The following MBD4 variants were observed in gnomAD, a reference collection of about 807,000 sequenced individuals.
The protein encoded by MBD4 is methyl-CpG binding domain 4, DNA glycosylase, also known as methyl-CpG-binding domain protein 4.
Under a neutral mutation model 60.2 loss-of-function variants are expected in MBD4, and 53 were observed. That is an observed-to-expected ratio of 0.88 (90% confidence interval 0.71 to 1.11). The LOEUF is 1.11. Among genes scored for constraint, MBD4 ranks in the 50% least tolerant of loss-of-function variants. The probability of loss-of-function intolerance (pLI) is 0.00; values close to 1 mark genes in which losing one functional copy is unlikely to be tolerated. For missense variants in MBD4, 619 were observed against 674.0 expected (o/e 0.92, Z 0.90); for synonymous variants, 231 against 229.8 (o/e 1.01, Z -0.05).
In MBD4 at chr3:129,433,265, CTG is replaced by C; in HGVS notation, c.1394-20_1394-19del. 6.2e-7 allele frequency: 1 copy of C among 1,613,724 alleles called. No individual in the cohort carries two copies. Among genetic ancestry groups the C allele is most frequent in the Non-Finnish European group, 8.5e-7 (1 of 1,179,816 alleles). On this transcript the variant is annotated intron_variant, in intron 5 of 7. Transcript: ENST00000429544. ...CATTTTGCCTGGGAAGTAAAAGTAA[CTG>C]AATGATTACAAGACTCCAGGTGGGC...
chr3:129,435,683 A>G (rs944237200), intron 3 of MBD4, among the ~76,000 whole-genome samples: 3 of 152,206 alleles, frequency 2.0e-5, no homozygotes, highest in African/African-American at 7.2e-5. Flanking sequence ...CTGTTTCCCC[A>G]CAGGAGTTTA....
In MBD4 at chr3:129,437,806, AC is replaced by A. The variant is rs774306571; in HGVS notation, c.248del (p.Arg83LeufsTer12). ...QFGATAGTEC[R>X]KSVPCGWERV... The stretch of plus-strand genomic sequence containing the variant: ...TTTCCCATCCACATGGGACAGACTT[AC>A]GGCATTCTGTTCCTGCAGTAGCACC... On this transcript the variant is annotated frameshift_variant, in exon 2 of 8. Coordinates refer to ENST00000429544, the MANE Select transcript of MBD4 (RefSeq NM_001276270.2). LOFTEE classifies it high-confidence loss of function. 4 of 1,613,964 alleles carry A rather than the reference AC, an allele frequency of 2.5e-6. No individual in the cohort carries two copies. The African/African-American group carries it at 5.3e-5, about 22-fold the overall frequency.
At chr3:129,437,697 T>C (rs764170421) in intron 2 of MBD4, 23 bp downstream of exon 2, 3 of 1,539,360 alleles carry the variant, frequency 1.9e-6, no homozygotes, top group Non-Finnish European at 1.8e-6. Context: ...GGCTGTACTA[T>C]CTTTACCATC....
chr3:129,439,909 T>A lies in MBD4; in HGVS notation c.-76A>T. On this transcript the variant is annotated 5_prime_UTR_variant, in exon 1 of 8. Coordinates refer to ENST00000429544, the MANE Select transcript of MBD4 (RefSeq NM_001276270.2). ...GTGGGGCGGAGTAAGATGTGAAACC[T>A]CTTCAGCTCACGGCACCGGGCTGCA... 1.9e-6 allele frequency: 2 copies of A among 1,046,460 alleles called. No homozygotes were observed. Among genetic ancestry groups the A allele is most frequent in the African/African-American group, 3.1e-5 (2 of 64,326 alleles). The allele number at this position is 1,046,460 out of a possible 1,614,324, so 64.8% of individuals were successfully genotyped here.
chr3:129,432,765 A>G (rs1339990856), intron 6 of MBD4, among the ~76,000 whole-genome samples, 159 bp from the exon 7 acceptor site: 1 of 152,230 alleles, frequency 6.6e-6, no homozygotes, highest in Non-Finnish European at 1.5e-5. Context: ...GAATTCCTGC[A>G]GCACCCATAT....
intron 2 of MBD4, among the ~76,000 whole-genome samples, 195 bp downstream of exon 2, chr3:129,437,525 A>G (rs529685978): frequency 6.6e-6 from 1 of 152,376 alleles, no homozygotes; most frequent in East Asian, 1.9e-4. Flanking sequence ...CCCGTTAACC[A>G]TTCACAGAAG....
intron 5 of MBD4, 45 bp from the exon 6 acceptor site, chr3:129,433,292 CTGA>C (rs1410292016): frequency 2.5e-6 from 4 of 1,602,932 alleles, no homozygotes; most frequent in East Asian, 2.2e-5. Context: ...TCCAGGTGGG[CTGA>C]TTTCATGTTC....
chr3:129,434,889 A>G (rs1438892852), intron 3 of MBD4, among the ~76,000 whole-genome samples: 1 of 152,222 alleles, frequency 6.6e-6, no homozygotes, highest in Non-Finnish European at 1.5e-5. Flanking sequence ...ACCTCTATCT[A>G]TTGGGAACCA....
At chr3:129,434,896 A>G (rs988322497) in intron 3 of MBD4, among the ~76,000 whole-genome samples, 1 of 152,240 alleles carries the variant, frequency 6.6e-6, no homozygotes, top group Non-Finnish European at 1.5e-5. Context: ...TCTATTGGGA[A>G]CCAGTGTTAT....
At chr3:129,437,419 C>A in intron 2 of MBD4, 111 bp from the exon 3 acceptor site, 1 of 870,262 alleles carries the variant, frequency 1.1e-6, no homozygotes, top group South Asian at 1.5e-5. Flanking sequence ...CCATAGGTAT[C>A]TGTCATTTAA....
rs1172134694 is a variant in MBD4 at position 129,436,452 on chromosome 3, T to C, written c.1183+9A>G. ...TGAAAGCACTGGATACCTTGAAATATTTTCTCACCAGTGAAGTCTTTCCTG... is the reference window on the plus strand; with the variant it reads ...TGAAAGCACTGGATACCTTGAAATACTTTCTCACCAGTGAAGTCTTTCCTG... On this transcript the variant is annotated intron_variant, in intron 3 of 7. Coordinates refer to ENST00000429544, the MANE Select transcript of MBD4 (RefSeq NM_001276270.2). 8 of 1,613,752 alleles carry C rather than the reference T, an allele frequency of 5.0e-6. No individual in the cohort carries two copies. Among genetic ancestry groups the C allele is most frequent in the African/African-American group, 1.3e-5 (1 of 74,940 alleles).
intron 4 of MBD4, 33 bp from the exon 5 acceptor site, chr3:129,434,017 C>G: frequency 6.2e-7 from 1 of 1,613,996 alleles, no homozygotes; most frequent in South Asian, 1.1e-5. Context: ...AATTGAAAAC[C>G]CAAAATGGAA....
chr3:129,438,789 C>T (rs2107762604), intron 1 of MBD4, among the ~76,000 whole-genome samples: 1 of 151,518 alleles, frequency 6.6e-6, no homozygotes, highest in East Asian at 1.9e-4. Context: ...AAACAAGCAA[C>T]CGGGCGTGGT....
intron 6 of MBD4, 124 bp from the exon 7 acceptor site, chr3:129,432,730 C>T (rs2072374603): frequency 2.2e-6 from 2 of 919,728 alleles, no homozygotes; most frequent in African/African-American, 3.3e-5. Context: ...TCCCAGCAAC[C>T]CCAGTTGTGA....
chr3:129,436,839 T>G lies in MBD4; in HGVS notation c.805A>C (p.Asn269His). Residue 269 changes from asparagine (N) to histidine (H), a missense_variant, in exon 3 of 8, where the codon AAT becomes CAT. Asn to His is a moderately conservative substitution (Grantham distance 68). Transcript: ENST00000429544. ...GGTTCACTTTCAGCATCTGCTTTAT[T>G]ACACACAGATTCTCTTTTGCTATCA... Reference protein sequence around the residue: ...QSDSKRESVCNKADAESEPVA... With the variant: ...QSDSKRESVCHKADAESEPVA... 1 of 1,614,192 alleles carries G rather than the reference T, an allele frequency of 6.2e-7. No individual in the cohort carries two copies. The highest frequency in any genetic ancestry group is 8.5e-7 in the Non-Finnish European group (1 of 1,180,036).
At chr3:129,434,322 C>G (rs2072416799) in intron 3 of MBD4, among the ~76,000 whole-genome samples, 186 bp from the exon 4 acceptor site, 1 of 152,190 alleles carries the variant, frequency 6.6e-6, no homozygotes, top group South Asian at 2.1e-4. Flanking sequence ...CTCCACTTTA[C>G]AGATAAGGAC....
rs1402266314 is a variant in MBD4, at chr3:129,433,940, G to A, written c.1303C>T (p.Pro435Ser). The A allele has an allele frequency of 6.2e-7, 1 of 1,614,152 alleles. No homozygotes were observed. Among genetic ancestry groups the A allele is most frequent in the East Asian group, 2.2e-5 (1 of 44,868 alleles). ...RRKAFKKWTPPRSPFNLVQET... is the reference protein window; with the variant it reads ...RRKAFKKWTPSRSPFNLVQET... ...TGAACGAGATTAAAAGGTGACCGAG[G>A]AGGTGTCCATTTCTTAAAGGCTTTA... Residue 435 changes from proline (P) to serine (S), a missense_variant, in exon 5 of 8, where the codon CCT (proline) becomes TCT (serine). Physicochemically the swap from Pro to Ser is moderately conservative, Grantham distance 74. Coordinates refer to ENST00000429544, the MANE Select transcript of MBD4 (RefSeq NM_001276270.2).
Position 129,437,214 on chromosome 3 carries a change from T to C in MBD4, c.430A>G (p.Thr144Ala). 6.2e-7 allele frequency: 1 copy of C among 1,613,494 alleles called. No homozygotes were observed. The highest frequency in any genetic ancestry group is 1.7e-4 in the Middle Eastern group (1 of 6,060). The change falls in exon 3 of 8, where the codon ACT becomes GCT. Residue 144 changes from threonine (T) to alanine (A), a missense_variant. Coordinates refer to ENST00000429544, the MANE Select transcript of MBD4 (RefSeq NM_001276270.2). ...TTGATACCCCTTTTAGAAAGTACAG[T>C]AAAATCAAAATCTTCTGGCTTAAGA... ...TSLKPEDFDF[T>A]VLSKRGIKSR...
chr3:129,437,121 T>G lies in MBD4; in HGVS notation c.523A>C (p.Asn175His), dbSNP rs746527782. The stretch of plus-strand genomic sequence containing the variant: ...TTGCTTCGGGTCCTGAGGTTCCAGT[T>G]TGAATTGTTACTTTGGTTTTGTAGA... ...SHLQNQSNNS[N>H]WNLRTRSKCK... The change falls in exon 3 of 8, where the codon AAC becomes CAC. Residue 175 changes from asparagine (N) to histidine (H), a missense_variant. Coordinates refer to ENST00000429544, the MANE Select transcript of MBD4 (RefSeq NM_001276270.2). 2.5e-6 allele frequency: 4 copies of G among 1,614,046 alleles called. No homozygotes were observed. The highest frequency in any genetic ancestry group is 2.2e-5 in the East Asian group (1 of 44,888).
Sources: allele counts gnomAD v4.1 joint callset (sites outside exome capture counted in the v4.1 genomes callset), GRCh38; gene constraint gnomAD v4.1.1; transcripts MANE v1.5; gene names NCBI Gene and HGNC (gene_info 2026-07-23, HGNC 2026-07-21).